ZNF839: variants seen among roughly 807,000 people sequenced by gnomAD.
The protein encoded by ZNF839 is zinc finger protein 839.
Under a neutral mutation model 56.4 loss-of-function variants are expected in ZNF839, and 38 were observed. The ratio of observed to expected loss-of-function variants is 0.67; its 90% CI spans 0.52 to 0.88. ZNF839 has a LOEUF of 0.88. ZNF839 is among the 40% of genes least tolerant of loss of function. ZNF839 has a pLI of 0.00. For missense variants in ZNF839, 1,091 were observed against 1,177.6 expected, an observed-to-expected ratio of 0.93 and a Z score of 1.08; for synonymous variants, 486 against 493.5, an observed-to-expected ratio of 0.98 and a Z score of 0.20.
chr14:102,324,899 A>G (rs757268355), intron 1 of ZNF839, among the ~76,000 whole-genome samples: 3 of 149,746 alleles, frequency 2.0e-5, no homozygotes, highest in Non-Finnish European at 4.4e-5. Context: ...GCAGTGAGCC[A>G]AGATAGTGTC....
At chr14:102,325,720 C>T (rs1180081411) in intron 1 of ZNF839, among the ~76,000 whole-genome samples, 1 of 152,098 alleles carries the variant, frequency 6.6e-6, no homozygotes, top group Non-Finnish European at 1.5e-5. Context: ...GTCTCGAACT[C>T]CTGACCTCAA....
In ZNF839 at chr14:102,326,217, C is replaced by G. The variant is rs2073399383; in HGVS notation, c.521C>G (p.Ala174Gly). 6.2e-7 allele frequency: 1 copy of G among 1,613,916 alleles called. No homozygotes were observed. Among genetic ancestry groups the G allele is most frequent in the Non-Finnish European group, 8.5e-7 (1 of 1,179,874 alleles). ...CTAAGTGACTTATGCCAACCTCCTG[C>G]TCAGGGGTTTGTACAGAGACCACTG... is the stretch of plus-strand genomic sequence containing the variant. ...CFLSDLCQPPAQGFVQRPLPA... is the reference protein window; with the variant it reads ...CFLSDLCQPPGQGFVQRPLPA... The change falls in exon 2 of 8, where the codon GCT becomes GGT. Residue 174 changes from alanine to glycine, a missense_variant. Coordinates refer to ENST00000442396, the MANE Select transcript of ZNF839 (RefSeq NM_018335.6). This position sits in a 1 kb window ranked among gnomAD's most constrained non-coding sequence, Gnocchi z 4.3.
rs200933608 is a variant in ZNF839, at chr14:102,341,909, A to G, written c.2514A>G (p.Arg838=). 347 of 1,614,036 alleles carry G rather than the reference A, an allele frequency of 2.1e-4. No homozygotes were observed. Among genetic ancestry groups the G allele is most frequent in the Non-Finnish European group, 2.8e-4 (330 of 1,179,882 alleles). The part of the protein sequence containing the change: ...HGSLLTEGCL[R]SLSGDLNRFP... Reference sequence around the variant, plus strand: ...CACTATTGACTGAAGGGTGTCTCAGAAGCCTTTCGGGGGACTTGAACCGGT... The same window carrying G: ...CACTATTGACTGAAGGGTGTCTCAGGAGCCTTTCGGGGGACTTGAACCGGT... The change falls in exon 8 of 8, where the codon AGA becomes AGG. Residue 838 remains arginine, a synonymous_variant. Transcript: ENST00000442396.
At chr14:102,337,181 TG>T (rs1264583284) in intron 5 of ZNF839, 1 of 152,218 alleles carries the variant, frequency 6.6e-6, no homozygotes, top group African/African-American at 2.4e-5. Context: ...GGGGTGTTTT[TG>T]TTTTTTTGAG....
rs956744226 is a variant in ZNF839, at chr14:102,326,646, C to G, written c.950C>G (p.Thr317Ser). Residue 317 changes from threonine to serine, a missense_variant, in exon 2 of 8, where the codon ACT becomes AGT. By Grantham distance (58) the Thr-to-Ser change is moderately conservative. Coordinates refer to ENST00000442396, the MANE Select transcript of ZNF839 (RefSeq NM_018335.6). This position sits in a 1 kb window ranked among gnomAD's most constrained non-coding sequence, Gnocchi z 4.3. ...AGGCCCAAAAGCTTTAAGTGTCAGA[C>G]TTGTGAAAAGTCATATATAGGGAAG... ...SLRPKSFKCQ[T>S]CEKSYIGKGG... 6.2e-6 allele frequency: 10 copies of G among 1,613,104 alleles called. No homozygotes were observed. The highest frequency in any genetic ancestry group is 3.3e-5 in the Admixed American group (2 of 59,856).
chr14:102,319,682 T>C (rs899644277), upstream of ZNF839: 1 of 1,212,538 alleles, frequency 8.2e-7, no homozygotes. This position sits in a 1 kb window ranked among gnomAD's most constrained non-coding sequence, Gnocchi z 4.5. Context: ...TGCGAGGCAC[T>C]CGTAGCCCGC....
chr14:102,340,413 A>T (rs1287900445), intron 7 of ZNF839, among the ~76,000 whole-genome samples: 1 of 151,794 alleles, frequency 6.6e-6, no homozygotes, highest in Non-Finnish European at 1.5e-5. Flanking sequence ...CTGGGATTAC[A>T]GGCGCCCACC....
chr14:102,331,948 C>A, intron 3 of ZNF839, 102 bp downstream of exon 3: 1 of 956,128 alleles, frequency 1.0e-6, no homozygotes, highest in Non-Finnish European at 1.5e-6. Flanking sequence ...CCTGAAATGT[C>A]ATTGCATTAA....
chr14:102,322,167 C>T (rs1027221101), intron 1 of ZNF839, among the ~76,000 whole-genome samples: 3 of 152,226 alleles, frequency 2.0e-5, no homozygotes, highest in African/African-American at 7.2e-5. Context: ...GTTCCTGCCT[C>T]TTGATTGCAC....
rs1886519278 is a variant in ZNF839, at chr14:102,341,526, G to A, written c.2131G>A (p.Glu711Lys). The change falls in exon 8 of 8, where the codon GAG becomes AAG. Residue 711 changes from glutamate (E) to lysine (K), a missense_variant. Coordinates refer to ENST00000442396, the MANE Select transcript of ZNF839 (RefSeq NM_018335.6). ...SGLPVYAQSGEPRRLTQAQVA... is the reference protein window; with the variant it reads ...SGLPVYAQSGKPRRLTQAQVA... ...GCTGCCTGTTTATGCTCAGTCAGGA[G>A]AGCCTAGGAGGCTGACCCAGGCACA... The A allele has an allele frequency of 4.4e-6, 7 of 1,607,446 alleles. No homozygotes were observed. The highest frequency in any genetic ancestry group is 6.0e-6 in the Non-Finnish European group (7 of 1,176,006).
At position 102,341,713 on chromosome 14, in the gene ZNF839, G is replaced by A. The variant is rs1381099664; in HGVS notation, c.2318G>A (p.Gly773Asp). 6.2e-6 allele frequency: 10 copies of A among 1,613,872 alleles called. No individual in the cohort carries two copies. The highest frequency in any genetic ancestry group is 8.5e-6 in the Non-Finnish European group (10 of 1,179,898). The change falls in exon 8 of 8, where the codon GGC becomes GAC. Residue 773 changes from glycine (G) to aspartate (D), a missense_variant. By Grantham distance (94) the Gly-to-Asp change is moderately conservative (BLOSUM62 -1). Coordinates refer to ENST00000442396, the MANE Select transcript of ZNF839 (RefSeq NM_018335.6). ...GPGHAEAGHL[G>D]KVCDFHLNHQ... ...GGACATGCAGAGGCAGGACACCTCGGCAAGGTTTGTGACTTCCACCTGAAC... is the reference window on the plus strand; with the variant it reads ...GGACATGCAGAGGCAGGACACCTCGACAAGGTTTGTGACTTCCACCTGAAC...
chr14:102,342,315 T>C lies in ZNF839; in HGVS notation c.*136T>C, dbSNP rs2139616414. 1.8e-6 allele frequency: 2 copies of C among 1,103,286 alleles called. No homozygotes were observed. Among genetic ancestry groups the C allele is most frequent in the South Asian group, 3.2e-5 (2 of 61,762 alleles). The allele number at this position is 1,103,286 out of a possible 1,614,324, so 68.3% of individuals were successfully genotyped here. ...TGGCAAGCAATGTATATTTTTCTAA[T>C]GTGAATATTGCACAGATGAACCTTT... is the stretch of plus-strand genomic sequence containing the variant. On this transcript the variant is annotated 3_prime_UTR_variant, in exon 8 of 8. Transcript: ENST00000442396.
chr14:102,329,091 T>G (rs1339792211), intron 2 of ZNF839, among the ~76,000 whole-genome samples: 1 of 151,478 alleles, frequency 6.6e-6, no homozygotes, highest in Non-Finnish European at 1.5e-5. Context: ...TGCCTCAGCC[T>G]CCCGAGTAGC....
At chr14:102,331,082 C>T (rs879796731) in intron 2 of ZNF839, among the ~76,000 whole-genome samples, 6 of 151,928 alleles carry the variant, frequency 3.9e-5, no homozygotes, top group Admixed American at 1.3e-4. Context: ...CACAATTTCG[C>T]GAATATTTTG....
intron 1 of ZNF839, among the ~76,000 whole-genome samples, chr14:102,321,862 G>T (rs2073145482): frequency 6.6e-6 from 1 of 152,096 alleles, no homozygotes; most frequent in Non-Finnish European, 1.5e-5. Context: ...TGGGGCGGTT[G>T]GGGGTGCATT....
At position 102,326,732 on chromosome 14, in the gene ZNF839, G is replaced by T. The variant is rs1192629751; in HGVS notation, c.1036G>T (p.Val346Leu). Residue 346 changes from valine to leucine, a missense_variant, in exon 2 of 8, where the codon GTG (valine) becomes TTG (leucine). Physicochemically the swap from Val to Leu is conservative, Grantham distance 32. Coordinates refer to ENST00000442396, the MANE Select transcript of ZNF839 (RefSeq NM_018335.6). This position sits in a 1 kb window ranked among gnomAD's most constrained non-coding sequence, Gnocchi z 4.3. Reference sequence around the variant, plus strand: ...CCACGGCCAGTTGGACCCCGAGATGGTGCTGTCTGAGAAAGCCAGTGGAAG... The same window carrying T: ...CCACGGCCAGTTGGACCCCGAGATGTTGCTGTCTGAGAAAGCCAGTGGAAG... ...PGHGQLDPEM[V>L]LSEKASGSTL... 2 of 1,613,278 alleles carry T rather than the reference G, an allele frequency of 1.2e-6. No homozygotes were observed. The highest frequency in any genetic ancestry group is 2.2e-5 in the East Asian group (1 of 44,858).
rs2073449844 is a variant in ZNF839, at chr14:102,326,985, T to C, written c.1191+98T>C. 9 of 1,333,438 alleles carry C rather than the reference T, an allele frequency of 6.7e-6. No individual in the cohort carries two copies. The highest frequency in any genetic ancestry group is 9.0e-6 in the Non-Finnish European group (9 of 1,003,270). The allele number at this position is 1,333,438 out of a possible 1,614,324, so 82.6% of individuals were successfully genotyped here. On this transcript the variant is annotated intron_variant, in intron 2 of 7. Transcript: ENST00000442396. This position sits in a 1 kb window ranked among gnomAD's most constrained non-coding sequence, Gnocchi z 4.3. ...CAGGTATTTTATAAAGAAAAGAGGG[T>C]TGGCTCACGGTTCCATAGACTGTAC...
rs776087528 is a variant in ZNF839 at position 102,319,807 on chromosome 14, TGGCGGC to T, written c.55_60del (p.Gly19_Gly20del). 2.1e-5 allele frequency: 26 copies of T among 1,223,222 alleles called. No individual in the cohort carries two copies. Among genetic ancestry groups the T allele is most frequent in the Admixed American group, 1.7e-4 (4 of 23,246 alleles). 75.8% of individuals were successfully genotyped at this position (1,223,222 alleles called of 1,614,324 possible). A position where few individuals can be genotyped will look rare whatever the true frequency, so the allele number is the denominator to read the frequency against. ...CGGAGGCTGGGGGCGGCAGCGAGGATGGCGGCGGCGGCGGCGGCCCGGCTCCTCCGG... is the reference window on the plus strand; with the variant it reads ...CGGAGGCTGGGGGCGGCAGCGAGGATGGCGGCGGCGGCCCGGCTCCTCCGG... On this transcript the variant is annotated inframe_deletion, in exon 1 of 8. Transcript: ENST00000442396. This position sits in a 1 kb window ranked among gnomAD's most constrained non-coding sequence, Gnocchi z 4.5.
At chr14:102,328,375 A>AAAATATATATATGTAT (rs1197718891) in intron 2 of ZNF839, among the ~76,000 whole-genome samples, 1 of 16,326 alleles carries the variant, frequency 6.1e-5, no homozygotes, top group Non-Finnish European at 1.4e-4. Flanking sequence ...AAAAAAAAAA[A>AAAATATATATATGTAT]ATATATATAT....
Sources: gnomAD v4.1 joint callset for allele counts (sites outside exome capture counted in the v4.1 genomes callset) on GRCh38, gnomAD v4.1.1 for gene constraint, Gnocchi (gnomAD v3.1) non-coding constraint, MANE v1.5 for transcripts, NCBI Gene and HGNC (gene_info 2026-07-23, HGNC 2026-07-21) for gene names.